CEP70: variants seen among roughly 807,000 people sequenced by gnomAD.
The protein encoded by CEP70 is centrosomal protein 70, also known as centrosomal protein of 70 kDa.
Under a neutral mutation model 90.9 loss-of-function variants are expected in CEP70, and 70 were observed. That is an observed-to-expected ratio of 0.77 (90% CI 0.64 to 0.94). The LOEUF (loss-of-function observed/expected upper bound fraction) is 0.94. Among genes scored for constraint, CEP70 ranks in the 40% least tolerant of loss-of-function variants. The pLI, the probability that CEP70 is intolerant of heterozygous loss-of-function variation, is 0.00. For missense variants in CEP70, 648 were observed against 669.0 expected (o/e 0.97, Z 0.35); for synonymous variants, 220 against 228.3 (o/e 0.96, Z 0.33).
chr3:138,539,589 A>C (rs2038580211), intron 6 of CEP70, among the ~76,000 whole-genome samples: 1 of 152,202 alleles, frequency 6.6e-6, no homozygotes, highest in African/African-American at 2.4e-5. Context: ...CAGAGGAAAG[A>C]ATCAGTGAGC....
intron 11 of CEP70, among the ~76,000 whole-genome samples, chr3:138,508,919 GA>G (rs776054475): frequency 9.2e-5 from 14 of 151,986 alleles, no homozygotes; most frequent in African/African-American, 1.9e-4. Flanking sequence ...ATTTTTAGTA[GA>G]GACGGGGTTT....
At chr3:138,583,622 G>A (rs939887705) in intron 2 of CEP70, among the ~76,000 whole-genome samples, 7 of 152,004 alleles carry the variant, frequency 4.6e-5, no homozygotes, top group Non-Finnish European at 1.0e-4. Context: ...TGACCACAAT[G>A]GAATAAAACT....
chr3:138,593,447 T>A (rs936687267), intron 1 of CEP70, among the ~76,000 whole-genome samples: 4 of 152,184 alleles, frequency 2.6e-5, no homozygotes, highest in Non-Finnish European at 5.9e-5. Context: ...GGTCTCGAAC[T>A]CCTGACCTCA....
chr3:138,575,985 C>T (rs907847431), intron 2 of CEP70, among the ~76,000 whole-genome samples: 3 of 152,168 alleles, frequency 2.0e-5, no homozygotes, highest in Non-Finnish European at 4.4e-5. Context: ...CAGTACCAGC[C>T]ACTGCAAAAA....
intron 11 of CEP70, among the ~76,000 whole-genome samples, chr3:138,520,268 G>T (rs1241957123): frequency 6.6e-6 from 1 of 152,020 alleles, no homozygotes; most frequent in Non-Finnish European, 1.5e-5. Context: ...ACATTAGACA[G>T]ATCAACGAGA....
At chr3:138,517,958 C>A (rs1057353821) in intron 11 of CEP70, among the ~76,000 whole-genome samples, 5 of 152,156 alleles carry the variant, frequency 3.3e-5, no homozygotes, top group African/African-American at 1.2e-4. Context: ...ACAGACAGCA[C>A]CTGGAAAATC....
At chr3:138,555,344 A>C (rs2039931734) in intron 6 of CEP70, among the ~76,000 whole-genome samples, 1 of 152,120 alleles carries the variant, frequency 6.6e-6, no homozygotes, top group African/African-American at 2.4e-5. Flanking sequence ...GTATCAGAAA[A>C]ACCCTTCTAG....
rs28777977 is a variant in CEP70 at position 138,524,230 on chromosome 3, T to A, written c.944+1260A>T. Among the ~76,000 whole-genome samples the A allele has an allele frequency of 7.3e-3, 1,108 of 151,784 alleles. 29 individuals carry two copies. The highest frequency in any genetic ancestry group is 0.045 in the Admixed American group (682 of 15,220). On this transcript the variant is annotated intron_variant, in intron 11 of 17. Coordinates refer to ENST00000264982, the MANE Select transcript of CEP70 (RefSeq NM_024491.4). The stretch of plus-strand genomic sequence containing the variant: ...ACCTTATACAAAAATTAATTCAAGA[T>A]GGATTAAAGACTTACATGTTAGACC...
chr3:138,518,323 T>TGA (rs1553843142), intron 11 of CEP70, among the ~76,000 whole-genome samples: 4 of 152,156 alleles, frequency 2.6e-5, no homozygotes, highest in Non-Finnish European at 4.4e-5. Context: ...CTGACAGCTT[T>TGA]GGATAGAGTA....
In CEP70 at chr3:138,508,448, T is replaced by C. The variant is rs903585726; in HGVS notation, c.1041A>G (p.Arg347=). ...YNQQQALIDQ[R]YFQVLCSINS... is the part of the protein sequence containing the mutation. ...AAAATCAATTCAATACCTGAAAGTA[T>C]CTCTGGTCAATTAGGGCCTGTTGCT... Residue 347 remains arginine, a synonymous_variant, in exon 12 of 18, where the codon AGA becomes AGG. Coordinates refer to ENST00000264982, the MANE Select transcript of CEP70 (RefSeq NM_024491.4). The C allele has an allele frequency of 1.9e-6, 3 of 1,598,174 alleles. No individual in the cohort carries two copies. The African/African-American group carries it at 4.0e-5, about 21-fold the overall frequency.
Position 138,505,315 on chromosome 3 carries a change from C to T in CEP70, c.1201G>A (p.Asp401Asn), listed in dbSNP as rs745903478. The change falls in exon 13 of 18, where the codon GAT (aspartate) becomes AAT (asparagine). Residue 401 changes from aspartate to asparagine, a missense_variant. By Grantham distance (23) the Asp-to-Asn change is conservative (BLOSUM62 1). Transcript: ENST00000264982. ...CTTACCTTTAAGGATGTCAGTTGAT[C>T]TGCCCACATTTCTATTACAGGAACA... ...HLVPVIEMWA[D>N]QLTSLKDLYK... 6.2e-7 allele frequency: 1 copy of T among 1,609,506 alleles called. No individual in the cohort carries two copies. The highest frequency in any genetic ancestry group is 8.5e-7 in the Non-Finnish European group (1 of 1,178,200).
At chr3:138,560,842 AC>A (rs1411991901) in intron 6 of CEP70, among the ~76,000 whole-genome samples, 1 of 152,008 alleles carries the variant, frequency 6.6e-6, no homozygotes, top group Admixed American at 6.6e-5. Context: ...TGGGTAGGGC[AC>A]CTCTGAAAAA....
intron 17 of CEP70, chr3:138,496,173 C>T (rs1226609533): frequency 1.0e-6 from 1 of 985,278 alleles, no homozygotes. Context: ...CTAGCTTATT[C>T]TGTTAAGCCA....
Position 138,562,344 on chromosome 3 carries a change from G to GA in CEP70, c.465+7973dup, listed in dbSNP as rs371291444. On this transcript the variant is annotated intron_variant, in intron 6 of 17. Coordinates refer to ENST00000264982, the MANE Select transcript of CEP70 (RefSeq NM_024491.4). Reference sequence around the variant, plus strand: ...TATTATAGGCCAACATTCAAGTTCAGAAAAAAACAGAGAACACCACAAAGA... The same window carrying GA: ...TATTATAGGCCAACATTCAAGTTCAGAAAAAAAACAGAGAACACCACAAAGA... Among the ~76,000 whole-genome samples the GA allele has an allele frequency of 5.7e-3, 859 of 151,972 alleles. 6 individuals are homozygous for GA. The highest frequency in any genetic ancestry group is 0.02 in the African/African-American group (827 of 41,454).
At chr3:138,554,256 C>T (rs1308332599) in intron 6 of CEP70, among the ~76,000 whole-genome samples, 2 of 150,704 alleles carry the variant, frequency 1.3e-5, no homozygotes, top group African/African-American at 4.9e-5. Context: ...GCAGAATCAG[C>T]ATACAAGGGA....
intron 17 of CEP70, 51 bp from the exon 18 acceptor site, chr3:138,495,127 A>G: frequency 9.1e-7 from 1 of 1,102,776 alleles, no homozygotes; most frequent in African/African-American, 1.6e-5. Flanking sequence ...TTCTAGTGGT[A>G]AACTCACATG....
intron 2 of CEP70, among the ~76,000 whole-genome samples, chr3:138,589,933 T>C (rs142497605): frequency 2.4e-3 from 364 of 152,264 alleles, no homozygotes; most frequent in Non-Finnish European, 4.5e-3. Flanking sequence ...AACAATGTAT[T>C]AGCTTCAGGT....
chr3:138,498,864 T>C (rs1256560282), intron 16 of CEP70, among the ~76,000 whole-genome samples: 1 of 151,348 alleles, frequency 6.6e-6, no homozygotes, highest in Non-Finnish European at 1.5e-5. Flanking sequence ...CTGGCCAACA[T>C]GGTGAAACCC....
In CEP70 at chr3:138,532,054, T is replaced by C. The variant is rs183628900; in HGVS notation, c.692+460A>G. 4.5e-4 allele frequency among the ~76,000 whole-genome samples: 69 copies of C among 152,322 alleles called. 2 individuals carry two copies. The East Asian group carries it at 0.011, about 25-fold the overall frequency. ...TTTAGCCAAAGACCATTTATCTCTA[T>C]GCTTATTTAATCAGGTGATAAGTGT... On this transcript the variant is annotated intron_variant, in intron 8 of 17. Coordinates refer to ENST00000264982, the MANE Select transcript of CEP70 (RefSeq NM_024491.4).
Sources: gnomAD v4.1 joint callset for allele counts (sites outside exome capture counted in the v4.1 genomes callset) on GRCh38, gnomAD v4.1.1 for gene constraint, MANE v1.5 for transcripts, NCBI Gene and HGNC (gene_info 2026-07-23, HGNC 2026-07-21) for gene names.